Variants in MED27 observed in about 807,000 individuals in gnomAD.
The protein encoded by MED27 is mediator of RNA polymerase II transcription subunit 27.
A neutral mutation model predicts 38.2 loss-of-function variants in MED27; 30 were observed. The observed-to-expected ratio is 0.79, with a 90% CI of 0.59 to 1.07. The LOEUF is 1.07. MED27 is among the 50% of genes least tolerant of loss of function. The pLI, the probability that MED27 is intolerant of heterozygous loss-of-function variation, is 0.00. For synonymous variants in MED27, 122 were observed against 153.5 expected (o/e 0.79, Z 1.52); for missense variants, 289 against 397.5 (o/e 0.73, Z 2.32).
At chr9:132,065,137 G>C (rs1318510160) in intron 2 of MED27, among the ~76,000 whole-genome samples, 1 of 152,196 alleles carries the variant, frequency 6.6e-6, no homozygotes, top group Non-Finnish European at 1.5e-5. Flanking sequence ...CACACTGGTA[G>C]CAAGTGCGAC....
chr9:132,077,547 A>C lies in MED27; in HGVS notation c.243T>G (p.Ser81=). Residue 81 remains serine (S), a synonymous_variant, in exon 2 of 8, where the codon TCT becomes TCG. Transcript: ENST00000292035. ...CACTGTTATGAAGAGGATGGTTCTC[A>C]GATGGCTTGCCTACCAGATTGCTCA... ...ERLSNLVGKP[S]ENHPLHNSGL... is the part of the protein sequence containing the mutation. 6.2e-7 allele frequency: 1 copy of C among 1,614,166 alleles called. No individual in the cohort carries two copies. The highest frequency in any genetic ancestry group is 8.5e-7 in the Non-Finnish European group (1 of 1,180,008).
At chr9:132,038,584 A>G (rs1833135144) in intron 2 of MED27, among the ~76,000 whole-genome samples, 1 of 152,244 alleles carries the variant, frequency 6.6e-6, no homozygotes, top group African/African-American at 2.4e-5. Flanking sequence ...AATATACAGT[A>G]TATTAGAAGA....
chr9:131,861,788 T>A lies in MED27; in HGVS notation c.802-1116A>T, dbSNP rs922983884. Among the ~76,000 whole-genome samples the A allele has an allele frequency of 2.8e-5, 4 of 144,328 alleles. No homozygotes were observed. The highest frequency in any genetic ancestry group is 2.2e-4 in the South Asian group (1 of 4,448). 94.7% of individuals were successfully genotyped at this position (144,328 alleles called of 152,430 possible). ...GGTTCTTTTTTTTTTTTTTTTTTTT[T>A]ATGAGACCACATCTCGCTCTGACAC... On this transcript the variant is annotated intron_variant, in intron 7 of 7. Transcript: ENST00000292035. This position sits in a 1 kb window ranked among gnomAD's most constrained non-coding sequence, Gnocchi z 4.4.
intron 3 of MED27, among the ~76,000 whole-genome samples, chr9:131,945,693 G>A (rs182830312): frequency 2.2e-4 from 33 of 151,706 alleles, no homozygotes; most frequent in African/African-American, 7.7e-4. Flanking sequence ...CAGGTGCGGT[G>A]GCTTATGCCT....
intron 2 of MED27, among the ~76,000 whole-genome samples, chr9:132,070,030 C>T (rs544649238): frequency 8.5e-5 from 13 of 152,212 alleles, no homozygotes; most frequent in Non-Finnish European, 8.8e-5. Context: ...TTAGTCCCCA[C>T]GACAGCCCCG....
At chr9:131,897,237 T>C (rs1357161333) in intron 4 of MED27, among the ~76,000 whole-genome samples, 1 of 152,254 alleles carries the variant, frequency 6.6e-6, no homozygotes, top group Non-Finnish European at 1.5e-5. Context: ...TGTATATTTT[T>C]GTTCACAAAG....
intron 6 of MED27, among the ~76,000 whole-genome samples, chr9:131,871,191 C>A (rs1838827409): frequency 6.6e-6 from 1 of 152,124 alleles, no homozygotes; most frequent in African/African-American, 2.4e-5. Flanking sequence ...TACCATACAC[C>A]CCACATTCGG....
intron 2 of MED27, among the ~76,000 whole-genome samples, chr9:132,030,644 A>C (rs954188502): frequency 6.6e-6 from 1 of 152,234 alleles, no homozygotes; most frequent in Non-Finnish European, 1.5e-5. Flanking sequence ...TGAAAAGAAG[A>C]CCCTTCATGA....
rs575503917 is a variant in MED27 at position 131,982,805 on chromosome 9, T to C, written c.479+31532A>G. Reference sequence around the variant, plus strand: ...GACCTCTGTGCATCTCCAACTGTAGTACAAAAGCAGCCATATGTAATATGG... The same window carrying C: ...GACCTCTGTGCATCTCCAACTGTAGCACAAAAGCAGCCATATGTAATATGG... On this transcript the variant is annotated intron_variant, in intron 3 of 7. Transcript: ENST00000292035. This position sits in a 1 kb window ranked among gnomAD's most constrained non-coding sequence, Gnocchi z 4.3. Among the ~76,000 whole-genome samples, 7 of 152,294 alleles carry C rather than the reference T, an allele frequency of 4.6e-5. No homozygotes were observed. The highest frequency in any genetic ancestry group is 2.1e-4 in the South Asian group (1 of 4,814).
rs371261759 is a variant in MED27, at chr9:132,008,846, GC to G, written c.479+5490del. Reference sequence around the variant, plus strand: ...AGAAAGGTGTGTGAGGAACCCAGACGCTAGCCCTTCACTGCTTTCCTCCACC... The same window carrying G: ...AGAAAGGTGTGTGAGGAACCCAGACGTAGCCCTTCACTGCTTTCCTCCACC... On this transcript the variant is annotated intron_variant, in intron 3 of 7. Coordinates refer to ENST00000292035, the MANE Select transcript of MED27 (RefSeq NM_004269.4). 2.4e-3 allele frequency among the ~76,000 whole-genome samples: 371 copies of G among 152,314 alleles called. 2 individuals are homozygous for G. Among genetic ancestry groups the G allele is most frequent in the African/African-American group, 8.3e-3 (347 of 41,570 alleles).
intron 3 of MED27, among the ~76,000 whole-genome samples, chr9:131,990,470 T>A (rs966145723): frequency 1.2e-4 from 19 of 152,314 alleles, no homozygotes; most frequent in African/African-American, 4.6e-4. Context: ...AGGGATTTGT[T>A]TTGTTGTGCA....
intron 3 of MED27, among the ~76,000 whole-genome samples, chr9:131,991,202 A>C (rs1831965253): frequency 6.6e-6 from 1 of 152,224 alleles, no homozygotes. Flanking sequence ...GTTTCAAAAA[A>C]TGCAAGTGCC....
intron 3 of MED27, among the ~76,000 whole-genome samples, chr9:131,994,460 A>T (rs1832048254): frequency 6.6e-6 from 1 of 152,200 alleles, no homozygotes; most frequent in Non-Finnish European, 1.5e-5. Context: ...GATCTAAAGG[A>T]CGCAGGGGGC....
At position 132,001,838 on chromosome 9, in the gene MED27, G is replaced by A. The variant is rs564295854; in HGVS notation, c.479+12499C>T. ...AGCCTCCATCGCTGGAGCAATCCTC[G>A]TACCCCTTCTGGAGCAGTGGTTCTG... On this transcript the variant is annotated intron_variant, in intron 3 of 7. Transcript: ENST00000292035. Among the ~76,000 whole-genome samples, 11 of 152,264 alleles carry A rather than the reference G, an allele frequency of 7.2e-5. No individual in the cohort carries two copies. In the South Asian group the frequency reaches 1.2e-3, roughly 17 times the overall value.
rs1831752434 is a variant in MED27, at chr9:131,982,288, T to C, written c.479+32049A>G. Among the ~76,000 whole-genome samples, 1 of 152,184 alleles carries C rather than the reference T, an allele frequency of 6.6e-6. No individual in the cohort carries two copies. The highest frequency in any genetic ancestry group is 2.4e-5 in the African/African-American group (1 of 41,446). On this transcript the variant is annotated intron_variant, in intron 3 of 7. Transcript: ENST00000292035. The surrounding 1 kb of genome is among the most constrained non-coding windows in gnomAD (Gnocchi z 4.3). ...ACTGCCACCTAAGAAGTCCAGCTCT[T>C]CTGCTCAAGAGATCACGTGCAGAGG...
intron 3 of MED27, among the ~76,000 whole-genome samples, chr9:131,973,101 T>C (rs1454999507): frequency 6.6e-6 from 1 of 152,234 alleles, no homozygotes; most frequent in Non-Finnish European, 1.5e-5. Context: ...CTGTCACCAA[T>C]TCCTACCTAG....
chr9:131,884,294 G>A (rs967315664), intron 5 of MED27, among the ~76,000 whole-genome samples, 195 bp from the exon 6 acceptor site: 11 of 152,208 alleles, frequency 7.2e-5, no homozygotes, highest in Admixed American at 2.0e-4. Flanking sequence ...GGCAAGTTAA[G>A]AAAAGTCAAT....
At chr9:132,027,920 G>T (rs1022480845) in intron 2 of MED27, among the ~76,000 whole-genome samples, 38 of 152,160 alleles carry the variant, frequency 2.5e-4, no homozygotes, top group African/African-American at 8.9e-4. Context: ...TGAGTGTACT[G>T]GGCACAGCAC....
At chr9:131,868,555 C>T (rs1047846553) in intron 6 of MED27, 5 of 980,146 alleles carry the variant, frequency 5.1e-6, no homozygotes, top group African/African-American at 3.5e-5. Context: ...GGATTACAGG[C>T]GTGCGCCACT....
Sources: allele counts gnomAD v4.1 joint callset (sites outside exome capture counted in the v4.1 genomes callset), GRCh38; gene constraint gnomAD v4.1.1; non-coding constraint Gnocchi (gnomAD v3.1); transcripts MANE v1.5; gene names NCBI Gene and HGNC (gene_info 2026-07-23, HGNC 2026-07-21).